The following CDK13 variants were observed in gnomAD, a reference collection of about 807,000 sequenced individuals.
CDK13 encodes cyclin dependent kinase 13, also known as cyclin-dependent kinase 13.
Under a neutral mutation model 137.6 loss-of-function variants are expected in CDK13, and 40 were observed. That is an observed-to-expected ratio of 0.29 (90% CI 0.23 to 0.38). The LOEUF is 0.38. CDK13 is among the 10% of genes least tolerant of loss of function. The pLI is 1.00. For missense variants in CDK13, 1,704 were observed against 1,951.8 expected (o/e 0.87, Z 2.39); for synonymous variants, 869 against 760.1 (o/e 1.14, Z -2.36).
At chr7:40,078,482 A>C (rs1165491118) in intron 10 of CDK13, 1 of 277,360 alleles carries the variant, frequency 3.6e-6, no homozygotes, top group Non-Finnish European at 6.6e-6. Context: ...AAGTAACAAT[A>C]TATACTATTG....
At chr7:40,015,071 A>G (rs1784976622) in intron 5 of CDK13, among the ~76,000 whole-genome samples, 1 of 152,222 alleles carries the variant, frequency 6.6e-6, no homozygotes, top group African/African-American at 2.4e-5. Flanking sequence ...TTTAGTTAAG[A>G]TACACCAAAT....
intron 1 of CDK13, among the ~76,000 whole-genome samples, chr7:39,974,570 T>TGG (rs1784066852): frequency 1.5e-5 from 2 of 133,686 alleles, no homozygotes; most frequent in Non-Finnish European, 3.3e-5. Flanking sequence ...TTTTTTTTTT[T>TGG]TTTTTGTTTT....
intron 2 of CDK13, among the ~76,000 whole-genome samples, chr7:39,989,978 G>T (rs968931412): frequency 7.2e-5 from 11 of 152,024 alleles, no homozygotes; most frequent in African/African-American, 2.7e-4. Context: ...GAGACGGGGG[G>T]CTTCACCATG....
At chr7:40,001,546 C>G (rs1004433861) in intron 4 of CDK13, among the ~76,000 whole-genome samples, 4 of 151,908 alleles carry the variant, frequency 2.6e-5, no homozygotes, top group Admixed American at 1.3e-4. Context: ...TTATTTTTTC[C>G]CAAGTGAATG....
At chr7:39,953,020 C>T (rs891806799) in intron 1 of CDK13, 2 of 152,012 alleles carry the variant, frequency 1.3e-5, no homozygotes, top group Admixed American at 6.6e-5. Flanking sequence ...TCCTGGGTTT[C>T]AGTAATGGCA....
Position 40,096,562 on chromosome 7 carries a change from CTG to C in CDK13, c.*1584_*1585del, listed in dbSNP as rs1330590126. On this transcript the variant is annotated 3_prime_UTR_variant, in exon 14 of 14. Coordinates refer to ENST00000181839, the MANE Select transcript of CDK13 (RefSeq NM_003718.5). ...GCCAATTAATCATTTTGTTCATCAA[CTG>C]TTCTGGTAACTTATTTTTTTTTATT... 6.6e-6 allele frequency: 1 copy of C among 152,096 alleles called. No individual in the cohort carries two copies. Among genetic ancestry groups the C allele is most frequent in the East Asian group, 1.9e-4 (1 of 5,196 alleles). The allele number at this position is 152,096 out of a possible 1,614,324, so 9.4% of individuals were successfully genotyped here.
chr7:40,011,753 G>A (rs1040173984), intron 5 of CDK13, among the ~76,000 whole-genome samples: 6 of 151,928 alleles, frequency 3.9e-5, no homozygotes, highest in African/African-American at 1.4e-4. Flanking sequence ...GACACCAAAA[G>A]CAGGGGCAAC....
At chr7:40,012,226 A>G (rs759626387) in intron 5 of CDK13, among the ~76,000 whole-genome samples, 4 of 152,210 alleles carry the variant, frequency 2.6e-5, no homozygotes, top group Non-Finnish European at 5.9e-5. Flanking sequence ...ACAATGGTGC[A>G]GTTGCTTTGG....
chr7:40,074,319 G>A (rs1292695833), intron 9 of CDK13, among the ~76,000 whole-genome samples: 5 of 152,052 alleles, frequency 3.3e-5, no homozygotes, highest in African/African-American at 4.8e-5. Context: ...TCAGGAGATC[G>A]AGACCATCCT....
chr7:40,070,230 A>G (rs1371830963), intron 9 of CDK13: 1 of 150,274 alleles, frequency 6.7e-6, no homozygotes, highest in Non-Finnish European at 1.5e-5. Flanking sequence ...AGAGAGCGAC[A>G]CTCCATCTCA....
intron 1 of CDK13, among the ~76,000 whole-genome samples, chr7:39,976,182 A>G (rs1360123679): frequency 1.3e-5 from 2 of 151,868 alleles, no homozygotes; most frequent in African/African-American, 2.4e-5. Context: ...AATCCCAGCT[A>G]CTTGGGAGGC....
rs2150547729 is a variant in CDK13 at position 40,093,254 on chromosome 7, C to T, written c.3688+17C>T. ...CGGTGTCGGGTAAGTGTGCAGATAC[C>T]AGACCACTAACACAGCTGCATTACA... is the stretch of plus-strand genomic sequence containing the variant. On this transcript the variant is annotated intron_variant, in intron 13 of 13. Coordinates refer to ENST00000181839, the MANE Select transcript of CDK13 (RefSeq NM_003718.5). 6.3e-7 allele frequency: 1 copy of T among 1,582,158 alleles called. No individual in the cohort carries two copies. Among genetic ancestry groups the T allele is most frequent in the Non-Finnish European group, 8.6e-7 (1 of 1,157,710 alleles).
intron 5 of CDK13, among the ~76,000 whole-genome samples, chr7:40,030,299 A>G (rs1232789392): frequency 6.6e-6 from 1 of 151,714 alleles, no homozygotes; most frequent in Non-Finnish European, 1.5e-5. Flanking sequence ...AGAGAAAGTC[A>G]TTCAGTCAGT....
At chr7:40,031,221 T>G (rs534569984) in intron 5 of CDK13, among the ~76,000 whole-genome samples, 18 of 152,308 alleles carry the variant, frequency 1.2e-4, no homozygotes, top group African/African-American at 4.1e-4. Context: ...TGCCGTTCTC[T>G]GATGAAATAT....
Position 39,999,466 on chromosome 7 carries a change from C to T in CDK13, c.2148C>T (p.Tyr716=), listed in dbSNP as rs151007323. ...TCGGAATTATTGGAGAAGGTACTTA[C>T]GGACAAGTTTACAAAGCCAGGGATA... ...DIIGIIGEGT[Y]GQVYKARDKD... is the part of the protein sequence containing the mutation. The change falls in exon 4 of 14, where the codon TAC becomes TAT. Residue 716 remains tyrosine, a synonymous_variant. Transcript: ENST00000181839. 258 of 1,611,040 alleles carry T rather than the reference C, an allele frequency of 1.6e-4. No homozygotes were observed. Among genetic ancestry groups the T allele is most frequent in the Non-Finnish European group, 2.0e-4 (236 of 1,178,360 alleles).
At chr7:40,089,355 G>A (rs1786863763) in intron 12 of CDK13, among the ~76,000 whole-genome samples, 1 of 149,670 alleles carries the variant, frequency 6.7e-6, no homozygotes, top group Non-Finnish European at 1.5e-5. Context: ...CACGATAATT[G>A]CTTGAACCCA....
At chr7:40,062,992 A>C in intron 8 of CDK13, 31 bp from the exon 9 acceptor site, 2 of 1,608,414 alleles carry the variant, frequency 1.2e-6, no homozygotes, top group African/African-American at 1.3e-5. Context: ...AAAATAGATC[A>C]TTTGGTAATG....
chr7:39,950,294 A>G lies in CDK13; in HGVS notation c.-348A>G. 9.2e-7 allele frequency: 1 copy of G among 1,081,550 alleles called. No homozygotes were observed. The highest frequency in any genetic ancestry group is 1.1e-6 in the Non-Finnish European group (1 of 892,228). The allele number at this position is 1,081,550 out of a possible 1,614,324, so 67.0% of individuals were successfully genotyped here. A position where few individuals can be genotyped will look rare whatever the true frequency, so the allele number is the denominator to read the frequency against. On this transcript the variant is annotated 5_prime_UTR_variant, in exon 1 of 14. Transcript: ENST00000181839. ...GCTGCCCGAGCCGAGAGCGCGGCCA[A>G]GGCCGCTCCCCCACCCCCGGGGGCA...
At chr7:40,024,137 C>T (rs1785187489) in intron 5 of CDK13, among the ~76,000 whole-genome samples, 1 of 152,148 alleles carries the variant, frequency 6.6e-6, no homozygotes, top group Non-Finnish European at 1.5e-5. Flanking sequence ...GAAGCAGATT[C>T]CCTCAAGTTC....
Sources: allele counts gnomAD v4.1 joint callset (sites outside exome capture counted in the v4.1 genomes callset), GRCh38; gene constraint gnomAD v4.1.1; transcripts MANE v1.5; gene names NCBI Gene and HGNC (gene_info 2026-07-23, HGNC 2026-07-21).